The following SOAT2 variants were observed in gnomAD, a reference collection of about 807,000 sequenced individuals.
SOAT2 encodes sterol O-acyltransferase 2, also known as ACAT-2.
Under a neutral mutation model 76.0 loss-of-function variants are expected in SOAT2, and 87 were observed. The ratio of observed to expected loss-of-function variants is 1.14; its 90% CI spans 0.96 to 1.37. The LOEUF is 1.37. Ranked by LOEUF, SOAT2 falls within the 40% of genes most tolerant of loss-of-function variation. The pLI is 0.00. For missense variants in SOAT2, 686 were observed against 682.1 expected (o/e 1.01, Z -0.06); for synonymous variants, 285 against 275.4 (o/e 1.03, Z -0.34).
intron 6 of SOAT2, 142 bp downstream of exon 6, chr12:53,115,796 C>T: frequency 1.9e-6 from 2 of 1,075,012 alleles, no homozygotes; most frequent in Non-Finnish European, 2.6e-6. Flanking sequence ...AGCTAGTTAC[C>T]GGGGGTGGAG....
chr12:53,124,352 A>G lies in SOAT2; in HGVS notation c.*229A>G, dbSNP rs371216017. The G allele has an allele frequency of 1.2e-4, 72 of 590,980 alleles. No individual in the cohort carries two copies. Among genetic ancestry groups the G allele is most frequent in the East Asian group, 1.2e-3 (41 of 35,362 alleles). The allele number at this position is 590,980 out of a possible 1,614,324, so 36.6% of individuals were successfully genotyped here. On this transcript the variant is annotated 3_prime_UTR_variant, in exon 15 of 15. Transcript: ENST00000301466. ...GGGTGACTCTTCAATCCCTATCCCCATGGGCTGGGTACAGGATATCCTCCT... is the reference window on the plus strand; with the variant it reads ...GGGTGACTCTTCAATCCCTATCCCCGTGGGCTGGGTACAGGATATCCTCCT...
chr12:53,113,996 G>T (rs767443115), intron 5 of SOAT2, among the ~76,000 whole-genome samples: 1 of 152,156 alleles, frequency 6.6e-6, no homozygotes, highest in South Asian at 2.1e-4. Context: ...ATCATGCTTT[G>T]AGGTTCAGGA....
chr12:53,109,907 G>A (rs1565626444), intron 5 of SOAT2, among the ~76,000 whole-genome samples: 1 of 152,206 alleles, frequency 6.6e-6, no homozygotes, highest in African/African-American at 2.4e-5. Flanking sequence ...TAAAGAGCAG[G>A]TTAGTGCTCT....
At chr12:53,120,362 G>A (rs552686459) in intron 10 of SOAT2, among the ~76,000 whole-genome samples, 8 of 152,196 alleles carry the variant, frequency 5.3e-5, no homozygotes, top group South Asian at 2.1e-4. Context: ...CCAGCTACTC[G>A]GGAGGCTGAG....
chr12:53,113,732 T>C (rs1938058391), intron 5 of SOAT2, among the ~76,000 whole-genome samples: 1 of 152,210 alleles, frequency 6.6e-6, no homozygotes, highest in East Asian at 1.9e-4. Context: ...TCTATGTCTA[T>C]GTGTAGGTGT....
At position 53,103,654 on chromosome 12, in the gene SOAT2, G is replaced by C; in HGVS notation, c.77G>C (p.Gly26Ala). 1 of 1,533,092 alleles carries C rather than the reference G, an allele frequency of 6.5e-7. No homozygotes were observed. Among genetic ancestry groups the C allele is most frequent in the Non-Finnish European group, 8.8e-7 (1 of 1,141,384 alleles). 95.0% of individuals were successfully genotyped at this position (1,533,092 alleles called of 1,614,324 possible). A position where few individuals can be genotyped will look rare whatever the true frequency, so the allele number is the denominator to read the frequency against. Residue 26 changes from glycine (G) to alanine (A), a missense_variant, in exon 1 of 15, where the codon GGA becomes GCA. Coordinates refer to ENST00000301466, the MANE Select transcript of SOAT2 (RefSeq NM_003578.4). ...LGGERERQPC[G>A]DGNTETHRAP... is the part of the protein sequence containing the mutation. Reference sequence around the variant, plus strand: ...GGGGAGCGGGAGCGCCAACCCTGTGGAGATGGTGAGCCGCCCTCGGGGGTG... The same window carrying C: ...GGGGAGCGGGAGCGCCAACCCTGTGCAGATGGTGAGCCGCCCTCGGGGGTG...
intron 7 of SOAT2, among the ~76,000 whole-genome samples, chr12:53,116,959 ATTT>A (rs71095980): frequency 2.2e-5 from 3 of 138,960 alleles, no homozygotes; most frequent in Admixed American, 7.3e-5. Flanking sequence ...CCAATTTCAA[ATTT>A]TTTTTTTTTT....
rs1461838398 is a variant in SOAT2, at chr12:53,123,211, T to C, written c.1367T>C (p.Ile456Thr). Residue 456 changes from isoleucine to threonine, a missense_variant, in exon 13 of 15, where the codon ATT becomes ACT. Coordinates refer to ENST00000301466, the MANE Select transcript of SOAT2 (RefSeq NM_003578.4). ...GTCATGCTGATACTCTTCCTTGTCA[T>C]TGGAGGTGAGCTGGTCTCTGTGCCA... ...YPVMLILFLV[I>T]GGMLNFMMHD... is the part of the protein sequence containing the mutation. The C allele has an allele frequency of 4.3e-6, 7 of 1,613,556 alleles. No individual in the cohort carries two copies. The Admixed American group carries it at 8.3e-5, about 19-fold the overall frequency.
At chr12:53,117,596 A>G (rs7302769) in intron 7 of SOAT2, among the ~76,000 whole-genome samples, 9,193 of 152,018 alleles carry the variant, frequency 0.06, 367 homozygotes, top group East Asian at 0.15. Context: ...CACTGGTCAC[A>G]GTGATTTTTG....
At chr12:53,105,867 G>T in intron 4 of SOAT2, 40 bp from the exon 5 acceptor site, 1 of 1,195,030 alleles carries the variant, frequency 8.4e-7, no homozygotes, top group South Asian at 1.3e-5. Flanking sequence ...ACAACCCTGA[G>T]GACCCTCCCA....
At chr12:53,118,637 T>C (rs1592279042) in intron 8 of SOAT2, among the ~76,000 whole-genome samples, 1 of 152,108 alleles carries the variant, frequency 6.6e-6, no homozygotes, top group African/African-American at 2.4e-5. Context: ...GCAACCCACT[T>C]TCCTGGTTTA....
At chr12:53,103,826 A>G (rs1937880190) in intron 1 of SOAT2, among the ~76,000 whole-genome samples, 167 bp downstream of exon 1, 1 of 152,204 alleles carries the variant, frequency 6.6e-6, no homozygotes, top group South Asian at 2.1e-4. Flanking sequence ...CAGCTGGAAG[A>G]TGGAACAGAA....
Position 53,118,421 on chromosome 12 carries a change from G to T in SOAT2, c.850G>T (p.Glu284Ter). ...FLFCPTLIYR[E>*]TYPRTPYVRW... is the part of the protein sequence containing the mutation. ...CTTCTGCCCAACACTCATCTACAGG[G>T]AGACTTACCCTAGGTAAGACCCTGC... is the stretch of plus-strand genomic sequence containing the variant. Residue 284 changes from glutamate to a stop codon, truncating the protein, a stop_gained, in exon 8 of 15, where the codon GAG (glutamate) becomes TAG (stop). Coordinates refer to ENST00000301466, the MANE Select transcript of SOAT2 (RefSeq NM_003578.4). LOFTEE classifies it high-confidence loss of function. 6.2e-7 allele frequency: 1 copy of T among 1,612,998 alleles called. No homozygotes were observed. Among genetic ancestry groups the T allele is most frequent in the Non-Finnish European group, 8.5e-7 (1 of 1,179,296 alleles).
rs1278780362 is a variant in SOAT2 at position 53,121,339 on chromosome 12, C to G, written c.1174C>G (p.Arg392Gly). Residue 392 changes from arginine to glycine, a missense_variant, in exon 12 of 15, where the codon CGC becomes GGC. Transcript: ENST00000301466. ...CTCAACGTCCTTCTCCAACTACTAC[C>G]GCACTTGGAACGTGGTGGTCCATGA... ...WNSTSFSNYY[R>G]TWNVVVHDWL... 6.2e-7 allele frequency: 1 copy of G among 1,613,970 alleles called. No individual in the cohort carries two copies. The highest frequency in any genetic ancestry group is 1.3e-5 in the African/African-American group (1 of 74,908).
At chr12:53,106,082 A>AAGGG in intron 5 of SOAT2, 68 bp downstream of exon 5, 3 of 1,123,056 alleles carry the variant, frequency 2.7e-6, no homozygotes, top group Non-Finnish European at 4.0e-6. Flanking sequence ...TCAGTGCCCC[A>AAGGG]CCTGCCCTTG....
At position 53,117,963 on chromosome 12, in the gene SOAT2, A is replaced by G. The variant is rs577481082; in HGVS notation, c.779-387A>G. 9.2e-5 allele frequency among the ~76,000 whole-genome samples: 14 copies of G among 152,344 alleles called. No homozygotes were observed. The South Asian group carries it at 1.4e-3, about 16-fold the overall frequency. On this transcript the variant is annotated intron_variant, in intron 7 of 14. Transcript: ENST00000301466. Reference sequence around the variant, plus strand: ...CCTTGTCTCTTGCAGGGTTGCCACAAACTTTCAATTTGTAAAAGAGGCAAT... The same window carrying G: ...CCTTGTCTCTTGCAGGGTTGCCACAGACTTTCAATTTGTAAAAGAGGCAAT...
intron 5 of SOAT2, among the ~76,000 whole-genome samples, chr12:53,110,945 T>C (rs1392191981): frequency 1.3e-5 from 2 of 152,162 alleles, no homozygotes; most frequent in African/African-American, 4.8e-5. Context: ...TTAGTTACTC[T>C]TTAAAAAGGA....
intron 6 of SOAT2, 138 bp from the exon 7 acceptor site, chr12:53,115,959 A>G (rs1351854006): frequency 1.4e-5 from 11 of 793,168 alleles, no homozygotes; most frequent in Non-Finnish European, 2.3e-5. Context: ...GCCATCCAAC[A>G]AAAAGAAAAA....
intron 7 of SOAT2, 24 bp from the exon 8 acceptor site, chr12:53,118,326 T>C (rs1565628400): frequency 7.3e-7 from 1 of 1,372,824 alleles, no homozygotes; most frequent in African/African-American, 1.5e-5. Flanking sequence ...CCCTTACTAA[T>C]CCACCCCTCT....
Sources: allele counts gnomAD v4.1 joint callset (sites outside exome capture counted in the v4.1 genomes callset), GRCh38; gene constraint gnomAD v4.1.1; transcripts MANE v1.5; gene names NCBI Gene and HGNC (gene_info 2026-07-23, HGNC 2026-07-21).